Variants in HERC6 observed in about 807,000 individuals in gnomAD.
HERC6 encodes the protein HECT and RLD domain containing E3 ubiquitin protein ligase family member 6.
Under a neutral mutation model 114.5 loss-of-function variants are expected in HERC6, and 101 were observed. The ratio of observed to expected loss-of-function variants is 0.88; its 90% CI spans 0.75 to 1.04. HERC6 has a LOEUF of 1.04. HERC6 is among the 50% of genes least tolerant of loss of function. The pLI is 0.00. For synonymous variants in HERC6, 408 were observed against 436.2 expected (o/e 0.94, Z 0.81); for missense variants, 1,133 against 1,230.9 (o/e 0.92, Z 1.19).
Position 88,404,955 on chromosome 4 carries a change from T to C in HERC6, c.1172T>C (p.Ile391Thr). The C allele has an allele frequency of 6.2e-7, 1 of 1,613,812 alleles. No homozygotes were observed. The highest frequency in any genetic ancestry group is 8.5e-7 in the Non-Finnish European group (1 of 1,179,768). Residue 391 changes from isoleucine (I) to threonine (T), a missense_variant, in exon 9 of 23, where the codon ATA (isoleucine) becomes ACA (threonine). Physicochemically the swap from Ile to Thr is moderately conservative, Grantham distance 89. Around this residue, in one of 3 missense-constraint regions of HERC6, gnomAD observed 735 missense variants for 754.0 expected, o/e 0.97. Transcript: ENST00000264346. ...RISQSMAEKW[I>T]AVKRRSTEHE... ...AGCCAGTCCATGGCAGAAAAATGGATAGCAGTGAAAAGAAGAAGTACTGAA... is the reference window on the plus strand; with the variant it reads ...AGCCAGTCCATGGCAGAAAAATGGACAGCAGTGAAAAGAAGAAGTACTGAA...
chr4:88,427,350 T>G (rs1307607782), intron 15 of HERC6, among the ~76,000 whole-genome samples: 2 of 152,178 alleles, frequency 1.3e-5, no homozygotes, highest in Non-Finnish European at 2.9e-5. Context: ...CTCTCCCTGC[T>G]GTAGTCAGTG....
intron 8 of HERC6, 191 bp downstream of exon 8, chr4:88,398,400 A>T (rs1735360376): frequency 2.4e-6 from 1 of 410,884 alleles, no homozygotes; most frequent in Non-Finnish European, 4.3e-6. Context: ...CTAACAGATT[A>T]GACCCCCCCA....
chr4:88,383,421 T>C (rs1261376405), intron 2 of HERC6, 41 bp downstream of exon 2: 20 of 1,412,992 alleles, frequency 1.4e-5, no homozygotes, highest in Non-Finnish European at 1.7e-5. Flanking sequence ...TCAATATATA[T>C]AGTACCATGT....
intron 17 of HERC6, among the ~76,000 whole-genome samples, chr4:88,432,142 C>T (rs562216530): frequency 3.3e-5 from 5 of 152,162 alleles, no homozygotes; most frequent in Admixed American, 1.3e-4. Context: ...GTATTTAATA[C>T]GAACTTTGTT....
rs574210494 is a variant in HERC6, at chr4:88,437,071, T to TA, written c.2484+101dup. 1.9e-4 allele frequency: 153 copies of TA among 820,842 alleles called. No homozygotes were observed. In the East Asian group the frequency reaches 3.7e-3, roughly 20 times the overall value. 50.8% of individuals were successfully genotyped at this position (820,842 alleles called of 1,614,324 possible). ...TAAATTTGGGATCCCTTTTTTTTTTTATTGAGGCAGAGTCTCACTCTGTCA... is the reference window on the plus strand; with the variant it reads ...TAAATTTGGGATCCCTTTTTTTTTTTAATTGAGGCAGAGTCTCACTCTGTCA... On this transcript the variant is annotated intron_variant, in intron 19 of 22. Transcript: ENST00000264346.
chr4:88,424,628 A>T lies in HERC6; in HGVS notation c.1861A>T (p.Ser621Cys), dbSNP rs773429022. 6.2e-7 allele frequency: 1 copy of T among 1,611,186 alleles called. No homozygotes were observed. The highest frequency in any genetic ancestry group is 8.5e-7 in the Non-Finnish European group (1 of 1,178,244). The stretch of plus-strand genomic sequence containing the variant: ...AGAAACCCCCAGTCCTGTTATTTTC[A>T]GTGATTTTCCATTTATCTTTAATTC... ...PAETPSPVIFSDFPFIFNSLS... is the reference protein window; with the variant it reads ...PAETPSPVIFCDFPFIFNSLS... The change falls in exon 15 of 23, where the codon AGT becomes TGT. Residue 621 changes from serine to cysteine, a missense_variant. Physicochemically the swap from Ser to Cys is moderately radical, Grantham distance 112. Coordinates refer to ENST00000264346, the MANE Select transcript of HERC6 (RefSeq NM_017912.4).
intron 3 of HERC6, among the ~76,000 whole-genome samples, chr4:88,390,183 A>G (rs1423360842): frequency 6.7e-6 from 1 of 150,024 alleles, no homozygotes; most frequent in Non-Finnish European, 1.5e-5. Flanking sequence ...GTATCAAAAA[A>G]AAAAAAAAAA....
intron 8 of HERC6, 198 bp downstream of exon 8, chr4:88,398,407 C>T (rs1311180775): frequency 2.4e-6 from 1 of 410,588 alleles, no homozygotes; most frequent in Non-Finnish European, 4.3e-6. Context: ...ATTAGACCCC[C>T]CCACCACCAC....
intron 8 of HERC6, among the ~76,000 whole-genome samples, chr4:88,401,080 C>T (rs768074023): frequency 3.9e-5 from 6 of 152,156 alleles, no homozygotes; most frequent in South Asian, 2.1e-4. Context: ...GGAAACCTGA[C>T]CCGAGTGGGC....
intron 3 of HERC6, among the ~76,000 whole-genome samples, chr4:88,390,169 C>A (rs1734822050): frequency 2.8e-5 from 3 of 107,266 alleles, no homozygotes; most frequent in Non-Finnish European, 5.2e-5. Context: ...CAGAATGAAA[C>A]TCTGTATCAA....
chr4:88,431,152 C>T lies in HERC6; in HGVS notation c.2107-10C>T. ...AAGTCAGGATCTGGGACTATGTTCT[C>T]TTTCCTTAGGTTGAATTTATTAATG... On this transcript the variant is annotated splice_polypyrimidine_tract_variant and intron_variant, in intron 16 of 22. Transcript: ENST00000264346. 6.2e-7 allele frequency: 1 copy of T among 1,601,724 alleles called. No individual in the cohort carries two copies. The highest frequency in any genetic ancestry group is 8.5e-7 in the Non-Finnish European group (1 of 1,176,150).
At position 88,439,952 on chromosome 4, in the gene HERC6, A is replaced by G. The variant is rs1739177212; in HGVS notation, c.2634A>G (p.Gly878=). The G allele has an allele frequency of 3.1e-6, 5 of 1,609,026 alleles. No homozygotes were observed. The East Asian group carries it at 1.1e-4, about 36-fold the overall frequency. ...VKAVYEEFQR[G]FYRVCEKEIL... ...CAGTTTATGAGGAATTTCAGAGAGG[A>G]TTTTATAGAGTCTGTGAGAAGGAGA... is the stretch of plus-strand genomic sequence containing the variant. Residue 878 remains glycine, a synonymous_variant, in exon 21 of 23, where the codon GGA becomes GGG. Coordinates refer to ENST00000264346, the MANE Select transcript of HERC6 (RefSeq NM_017912.4).
chr4:88,428,633 G>A lies in HERC6; in HGVS notation c.1989G>A (p.Lys663=), dbSNP rs771436140. 6.2e-7 allele frequency: 1 copy of A among 1,608,460 alleles called. No individual in the cohort carries two copies. Among genetic ancestry groups the A allele is most frequent in the East Asian group, 2.2e-5 (1 of 44,780 alleles). Residue 663 remains lysine, a synonymous_variant, in exon 16 of 23, where the codon AAG becomes AAA. Transcript: ENST00000264346. ...TGCATGAAACAATTCTGCAAAAAAA[G>A]GATGAATTTCCTCCATCACCCAGAT... ...MLMHETILQK[K]DEFPPSPRFI...
At chr4:88,427,082 A>C (rs542059830) in intron 15 of HERC6, among the ~76,000 whole-genome samples, 45 of 152,304 alleles carry the variant, frequency 3.0e-4, no homozygotes, top group African/African-American at 1.1e-3. Context: ...AAGACTAGGA[A>C]AAGTCTGAGG....
At position 88,390,750 on chromosome 4, in the gene HERC6, G is replaced by A; in HGVS notation, c.535G>A (p.Glu179Lys). Residue 179 changes from glutamate to lysine, a missense_variant, in exon 4 of 23, where the codon GAG becomes AAG. Around this residue, in one of 3 missense-constraint regions of HERC6, gnomAD observed 735 missense variants for 754.0 expected, o/e 0.97. Coordinates refer to ENST00000264346, the MANE Select transcript of HERC6 (RefSeq NM_017912.4). ...CAGCCCGCAGAGGGTGAGGTCCCTG[G>A]AGGGGATCCCACTGGCTCAGGTGGC... The part of the protein sequence containing the change: ...QASPQRVRSL[E>K]GIPLAQVAAG... The A allele has an allele frequency of 6.2e-7, 1 of 1,614,220 alleles. No individual in the cohort carries two copies. Among genetic ancestry groups the A allele is most frequent in the Non-Finnish European group, 8.5e-7 (1 of 1,180,044 alleles).
intron 8 of HERC6, among the ~76,000 whole-genome samples, chr4:88,401,154 T>C (rs756490372): frequency 2.6e-5 from 4 of 152,046 alleles, no homozygotes; most frequent in South Asian, 2.1e-4. Flanking sequence ...GAAATTTTGA[T>C]GTGAAGAGAA....
In HERC6 at chr4:88,408,629, T is replaced by C. The variant is rs752395682; in HGVS notation, c.1368+12T>C. On this transcript the variant is annotated intron_variant, in intron 11 of 22. Coordinates refer to ENST00000264346, the MANE Select transcript of HERC6 (RefSeq NM_017912.4). ...GGATTTCTTCCATGGTAATAGCCAA[T>C]ACTTACTTTAGATATAGAACAAATA... 6.1e-6 allele frequency: 9 copies of C among 1,472,364 alleles called. No individual in the cohort carries two copies. In the Admixed American group the frequency reaches 1.7e-4, roughly 28 times the overall value. The allele number at this position is 1,472,364 out of a possible 1,614,324, so 91.2% of individuals were successfully genotyped here.
chr4:88,431,418 CAT>C, intron 17 of HERC6, 113 bp downstream of exon 17: 1 of 1,241,382 alleles, frequency 8.1e-7, no homozygotes, highest in Non-Finnish European at 1.1e-6. Context: ...CTTTGCTACT[CAT>C]ATTTTGAGTA....
At chr4:88,428,915 T>G (rs1360790508) in intron 16 of HERC6, among the ~76,000 whole-genome samples, 165 bp downstream of exon 16, 2 of 152,272 alleles carry the variant, frequency 1.3e-5, no homozygotes. Context: ...AATAGGATGC[T>G]TAACTGCACA....
Sources: gnomAD v4.1 joint callset for allele counts (sites outside exome capture counted in the v4.1 genomes callset) on GRCh38, gnomAD v4.1.1 for gene constraint, gnomAD v4.1.1 regional missense constraint, MANE v1.5 for transcripts, NCBI Gene and HGNC (gene_info 2026-07-23, HGNC 2026-07-21) for gene names.